Variants in CCNB2 observed in about 807,000 individuals in gnomAD.
The protein encoded by CCNB2 is G2/mitotic-specific cyclin-B2.
CCNB2 carries 39 observed loss-of-function variants against 51.1 expected under a neutral mutation model. That is an observed-to-expected ratio of 0.76 (90% CI 0.59 to 1.00). CCNB2 has a LOEUF of 1.00. CCNB2 is among the 50% of genes least tolerant of loss of function. CCNB2 has a pLI of 0.00. For synonymous variants in CCNB2, 174 were observed against 165.5 expected, an observed-to-expected ratio of 1.05 and a Z score of -0.40; for missense variants, 472 against 470.3, an observed-to-expected ratio of 1.00 and a Z score of -0.03.
chr15:59,105,183 A>G lies in CCNB2; in HGVS notation c.-86A>G. On this transcript the variant is annotated 5_prime_UTR_variant, in exon 1 of 9. Transcript: ENST00000288207. ...CGCTGCGGGCTCGGAGAGCAGTCCTAACGGCGCCTCGTACGCTAGTGTCCT... is the reference window on the plus strand; with the variant it reads ...CGCTGCGGGCTCGGAGAGCAGTCCTGACGGCGCCTCGTACGCTAGTGTCCT... 7.5e-7 allele frequency: 1 copy of G among 1,332,920 alleles called. No individual in the cohort carries two copies. Among genetic ancestry groups the G allele is most frequent in the South Asian group, 1.3e-5 (1 of 78,098 alleles). The allele number at this position is 1,332,920 out of a possible 1,614,324, so 82.6% of individuals were successfully genotyped here.
chr15:59,105,688 G>A (rs1419920952), intron 1 of CCNB2, among the ~76,000 whole-genome samples: 1 of 152,210 alleles, frequency 6.6e-6, no homozygotes, highest in Non-Finnish European at 1.5e-5. Flanking sequence ...TGCCAACTAA[G>A]GGACCTGTGA....
chr15:59,122,341 C>T (rs1211591423), intron 7 of CCNB2, among the ~76,000 whole-genome samples: 3 of 145,522 alleles, frequency 2.1e-5, no homozygotes, highest in Admixed American at 7.0e-5. Flanking sequence ...CTCTGCCTCC[C>T]GGGTTCCAGC....
chr15:59,114,647 C>A, intron 4 of CCNB2, 33 bp downstream of exon 4: 1 of 1,586,184 alleles, frequency 6.3e-7, no homozygotes, highest in South Asian at 1.1e-5. Flanking sequence ...GTTGTATAAG[C>A]AATGTGGAAT....
intron 1 of CCNB2, among the ~76,000 whole-genome samples, 183 bp from the exon 2 acceptor site, chr15:59,107,139 T>G (rs1437363339): frequency 6.6e-6 from 1 of 152,210 alleles, no homozygotes. Flanking sequence ...ATTTGCCTAA[T>G]TTAGAGTGAT....
At chr15:59,111,019 T>G (rs572814731) in intron 3 of CCNB2, among the ~76,000 whole-genome samples, 2 of 152,182 alleles carry the variant, frequency 1.3e-5, no homozygotes, top group Non-Finnish European at 2.9e-5. Context: ...CAAAGAGAGA[T>G]GCATGCTTAT....
intron 3 of CCNB2, 67 bp from the exon 4 acceptor site, chr15:59,114,377 G>A: frequency 8.2e-7 from 1 of 1,216,540 alleles, no homozygotes; most frequent in Non-Finnish European, 1.2e-6. Context: ...TGATATTTAA[G>A]CCAGTTGGCT....
chr15:59,111,410 A>T (rs1428017288), intron 3 of CCNB2, among the ~76,000 whole-genome samples: 2 of 152,206 alleles, frequency 1.3e-5, no homozygotes, highest in East Asian at 3.8e-4. Context: ...AAGTGGTATG[A>T]TAGCACATGA....
chr15:59,120,711 G>A lies in CCNB2; in HGVS notation c.976-2806G>A, dbSNP rs562683186. Among the ~76,000 whole-genome samples, 13 of 152,238 alleles carry A rather than the reference G, an allele frequency of 8.5e-5. No individual in the cohort carries two copies. In the East Asian group the frequency reaches 2.3e-3, roughly 27 times the overall value. Reference sequence around the variant, plus strand: ...TAATGTAATAATTTATTCAAGCAAGGTGCATCAATGAATGCAAAAATCATT... The same window carrying A: ...TAATGTAATAATTTATTCAAGCAAGATGCATCAATGAATGCAAAAATCATT... On this transcript the variant is annotated intron_variant, in intron 7 of 8. Coordinates refer to ENST00000288207, the MANE Select transcript of CCNB2 (RefSeq NM_004701.4).
intron 7 of CCNB2, among the ~76,000 whole-genome samples, chr15:59,119,671 A>T (rs2079294409): frequency 6.6e-6 from 1 of 152,140 alleles, no homozygotes; most frequent in Non-Finnish European, 1.5e-5. Context: ...GTTATTAAGG[A>T]CTAAAATTTT....
chr15:59,115,719 G>A (rs2079276125), intron 5 of CCNB2: 1 of 152,058 alleles, frequency 6.6e-6, no homozygotes, highest in Non-Finnish European at 1.5e-5. Flanking sequence ...AGTATTTTAG[G>A]TAGGTTTCTT....
At chr15:59,123,184 CTTTGTT>C (rs1293734719) in intron 7 of CCNB2, among the ~76,000 whole-genome samples, 1 of 152,158 alleles carries the variant, frequency 6.6e-6, no homozygotes, top group Non-Finnish European at 1.5e-5. Context: ...TAAAGGGGCA[CTTTGTT>C]TTAAGTGTCT....
chr15:59,122,250 T>TTTTTTTTTC, intron 7 of CCNB2, among the ~76,000 whole-genome samples: 1 of 132,478 alleles, frequency 7.5e-6, no homozygotes, highest in African/African-American at 2.9e-5. Flanking sequence ...TCTTTTTTTT[T>TTTTTTTTTC]TTTTTTTTTT....
intron 7 of CCNB2, chr15:59,121,621 C>G (rs1374782253): frequency 6.6e-6 from 1 of 152,104 alleles, no homozygotes; most frequent in Non-Finnish European, 1.5e-5. Context: ...CATGGCGAAA[C>G]CTCGCCTCCA....
In CCNB2 at chr15:59,107,787, C is replaced by T. The variant is rs183397762; in HGVS notation, c.267+117C>T. 1.6e-5 allele frequency: 12 copies of T among 728,148 alleles called. No homozygotes were observed. In the Admixed American group the frequency reaches 2.2e-4, roughly 13 times the overall value. The allele number at this position is 728,148 out of a possible 1,614,324, so 45.1% of individuals were successfully genotyped here. A position where few individuals can be genotyped will look rare whatever the true frequency, so the allele number is the denominator to read the frequency against. Reference sequence around the variant, plus strand: ...ACGAACATTCATAGCTGGAGCTCTGCTTTGAAGCAATAGTGTAGGAAATGA... The same window carrying T: ...ACGAACATTCATAGCTGGAGCTCTGTTTTGAAGCAATAGTGTAGGAAATGA... On this transcript the variant is annotated intron_variant, in intron 3 of 8. Transcript: ENST00000288207.
intron 7 of CCNB2, chr15:59,121,279 ATTC>A (rs1247201491): frequency 6.6e-6 from 1 of 152,206 alleles, no homozygotes; most frequent in Non-Finnish European, 1.5e-5. Flanking sequence ...ATAGAGGATC[ATTC>A]TTTCAGTTTT....
chr15:59,120,000 G>A (rs1223849589), intron 7 of CCNB2, among the ~76,000 whole-genome samples: 1 of 152,168 alleles, frequency 6.6e-6, no homozygotes, highest in Non-Finnish European at 1.5e-5. Flanking sequence ...GAGCCACTGT[G>A]CCTGGCCTAA....
chr15:59,123,345 G>A (rs745850531), intron 7 of CCNB2, among the ~76,000 whole-genome samples, 172 bp from the exon 8 acceptor site: 1 of 152,182 alleles, frequency 6.6e-6, no homozygotes, highest in African/African-American at 2.4e-5. Flanking sequence ...CTTTAGTGTT[G>A]CTGGTACTGT....
intron 8 of CCNB2, chr15:59,124,542 G>C (rs1050606152): frequency 1.9e-6 from 1 of 529,238 alleles, no homozygotes; most frequent in Admixed American, 3.5e-5. Context: ...GAAATCATTT[G>C]TTCCTATCAC....
intron 5 of CCNB2, 150 bp from the exon 6 acceptor site, chr15:59,116,540 T>C: frequency 1.6e-6 from 1 of 643,258 alleles, no homozygotes; most frequent in Admixed American, 2.6e-5. Context: ...ATAGCTGTCA[T>C]GATCAGTGGT....
Sources: gnomAD v4.1 joint callset for allele counts (sites outside exome capture counted in the v4.1 genomes callset) on GRCh38, gnomAD v4.1.1 for gene constraint, MANE v1.5 for transcripts, NCBI Gene and HGNC (gene_info 2026-07-23, HGNC 2026-07-21) for gene names.